Variants in PTAR1 observed in about 807,000 individuals in gnomAD.
The protein encoded by PTAR1 is protein prenyltransferase alpha subunit repeat containing 1.
A neutral mutation model predicts 45.5 loss-of-function variants in PTAR1; 17 were observed. The ratio of observed to expected loss-of-function variants is 0.37; its 90% CI spans 0.26 to 0.56. The LOEUF (loss-of-function observed/expected upper bound fraction) is 0.56, where lower values mean the gene tolerates loss of function less well. Ranked by LOEUF, PTAR1 falls within the 20% of genes least tolerant of loss-of-function variation. The pLI is 0.77. For synonymous variants in PTAR1, 169 were observed against 171.3 expected (o/e 0.99, Z 0.11); for missense variants, 391 against 476.3 (o/e 0.82, Z 1.67).
At chr9:69,722,372 ATG>A (rs1460284079) in intron 6 of PTAR1, among the ~76,000 whole-genome samples, 10 of 152,192 alleles carry the variant, frequency 6.6e-5, no homozygotes, top group Admixed American at 3.3e-4. Context: ...GGGGTCACAT[ATG>A]TGACTTCAGT....
At chr9:69,742,456 T>G (rs2134140168) in intron 2 of PTAR1, among the ~76,000 whole-genome samples, 1 of 152,226 alleles carries the variant, frequency 6.6e-6, no homozygotes, top group South Asian at 2.1e-4. Flanking sequence ...TAACAATCCC[T>G]TAGTCCTATA....
intron 3 of PTAR1, among the ~76,000 whole-genome samples, chr9:69,735,815 G>A (rs887334131): frequency 2.0e-5 from 3 of 151,716 alleles, no homozygotes; most frequent in Non-Finnish European, 2.9e-5. Flanking sequence ...CTACTTAGAC[G>A]GACTTAATTC....
chr9:69,756,870 A>G (rs1291032470), intron 1 of PTAR1, among the ~76,000 whole-genome samples: 2 of 152,218 alleles, frequency 1.3e-5, no homozygotes, highest in Admixed American at 1.3e-4. Flanking sequence ...TATGCATCAC[A>G]GTAGTCACTA....
chr9:69,759,773 G>T, intron 1 of PTAR1, 80 bp downstream of exon 1: 1 of 1,381,088 alleles, frequency 7.2e-7, no homozygotes, highest in Non-Finnish European at 9.6e-7. Context: ...TCCGCCCGCC[G>T]CCCGAGGTCG....
intron 3 of PTAR1, among the ~76,000 whole-genome samples, chr9:69,739,709 G>C (rs938155821): frequency 1.3e-5 from 2 of 152,120 alleles, no homozygotes; most frequent in African/African-American, 4.8e-5. Flanking sequence ...TTACTTTGAA[G>C]TTGGTAGTTT....
At chr9:69,749,777 GC>G (rs1289805012) in intron 2 of PTAR1, among the ~76,000 whole-genome samples, 1 of 151,924 alleles carries the variant, frequency 6.6e-6, no homozygotes, top group Non-Finnish European at 1.5e-5. Flanking sequence ...TACATCTCTC[GC>G]CCCCAAAGAG....
chr9:69,739,396 A>G (rs868714644), intron 3 of PTAR1, among the ~76,000 whole-genome samples: 36 of 144,808 alleles, frequency 2.5e-4, no homozygotes, highest in African/African-American at 6.6e-4. Flanking sequence ...TTTCCAAAGC[A>G]AAAAAAAAAA....
In PTAR1 at chr9:69,750,681, A is replaced by G. The variant is rs188861108; in HGVS notation, c.256+100T>C. 9.5e-5 allele frequency: 81 copies of G among 854,364 alleles called. No homozygotes were observed. In the African/African-American group the frequency reaches 1.3e-3, roughly 13 times the overall value. The allele number at this position is 854,364 out of a possible 1,614,324, so 52.9% of individuals were successfully genotyped here. A position where few individuals can be genotyped will look rare whatever the true frequency, so the allele number is the denominator to read the frequency against. On this transcript the variant is annotated intron_variant, in intron 2 of 7. Coordinates refer to ENST00000340434, the MANE Select transcript of PTAR1 (RefSeq NM_001099666.2). The stretch of plus-strand genomic sequence containing the variant: ...CCGAGACAGTGAACAGAAGAAGCAG[A>G]ACTAGAATCCAGGAATGCTGACACT...
chr9:69,719,617 C>T (rs1253043172), intron 6 of PTAR1, among the ~76,000 whole-genome samples: 4 of 152,086 alleles, frequency 2.6e-5, no homozygotes, highest in Admixed American at 2.0e-4. Context: ...AGTAGAAAAC[C>T]GGCCTATGTA....
chr9:69,759,554 G>T (rs1437332570), intron 1 of PTAR1, among the ~76,000 whole-genome samples: 1 of 152,188 alleles, frequency 6.6e-6, no homozygotes, highest in Admixed American at 6.5e-5. Flanking sequence ...CGACCTACGG[G>T]GGACGTCTCT....
rs2134056335 is a variant in PTAR1 at position 69,711,562 on chromosome 9, G to T, written c.*6780C>A. The T allele has an allele frequency of 6.6e-6, 1 of 152,190 alleles. No homozygotes were observed. The highest frequency in any genetic ancestry group is 3.4e-3 in the Middle Eastern group (1 of 294). 9.4% of individuals were successfully genotyped at this position (152,190 alleles called of 1,614,324 possible). On this transcript the variant is annotated 3_prime_UTR_variant, in exon 8 of 8. Coordinates refer to ENST00000340434, the MANE Select transcript of PTAR1 (RefSeq NM_001099666.2). ...CTCTTAAGACGCTAGAAACAAGTAA[G>T]ATTTAAGGAAAAATAAAAAGAACCT... is the stretch of plus-strand genomic sequence containing the variant.
intron 1 of PTAR1, among the ~76,000 whole-genome samples, chr9:69,756,443 C>T (rs769850448): frequency 1.3e-5 from 2 of 152,120 alleles, no homozygotes; most frequent in African/African-American, 2.4e-5. Context: ...GTTCATTAAA[C>T]CACCCAGTTT....
intron 1 of PTAR1, among the ~76,000 whole-genome samples, chr9:69,753,698 T>C (rs141424296): frequency 6.0e-4 from 91 of 152,176 alleles, no homozygotes; most frequent in African/African-American, 2.2e-3. Flanking sequence ...ATAAAAACAG[T>C]CTTAACAGAT....
At position 69,711,064 on chromosome 9, in the gene PTAR1, GC is replaced by G; in HGVS notation, c.*7277del. 6.6e-6 allele frequency: 1 copy of G among 151,824 alleles called. No individual in the cohort carries two copies. The highest frequency in any genetic ancestry group is 1.5e-5 in the Non-Finnish European group (1 of 67,956). 9.4% of individuals were successfully genotyped at this position (151,824 alleles called of 1,614,324 possible). A position where few individuals can be genotyped will look rare whatever the true frequency, so the allele number is the denominator to read the frequency against. ...TTAGACGCTATTAAAATCATAACTG[GC>G]CTTTTTTTTTCTCCCTCTCCTTTTT... On this transcript the variant is annotated 3_prime_UTR_variant, in exon 8 of 8. Transcript: ENST00000340434.
Position 69,710,989 on chromosome 9 carries a change from G to A in PTAR1, c.*7353C>T, listed in dbSNP as rs1824501614. The A allele has an allele frequency of 6.6e-6, 1 of 151,910 alleles. No individual in the cohort carries two copies. Among genetic ancestry groups the A allele is most frequent in the South Asian group, 2.1e-4 (1 of 4,820 alleles). 9.4% of individuals were successfully genotyped at this position (151,910 alleles called of 1,614,324 possible). A position where few individuals can be genotyped will look rare whatever the true frequency, so the allele number is the denominator to read the frequency against. ...TTCTTTTAAATGAAAGCTCCTCCAT[G>A]TTAAATTATGCAATTGACTAGTGTC... On this transcript the variant is annotated 3_prime_UTR_variant, in exon 8 of 8. Coordinates refer to ENST00000340434, the MANE Select transcript of PTAR1 (RefSeq NM_001099666.2).
At chr9:69,724,136 G>A (rs914130062) in intron 5 of PTAR1, among the ~76,000 whole-genome samples, 1 of 152,108 alleles carries the variant, frequency 6.6e-6, no homozygotes, top group Non-Finnish European at 1.5e-5. Context: ...GGCAGAGACC[G>A]TGTCTGTCTT....
At chr9:69,755,458 G>C (rs1826732925) in intron 1 of PTAR1, among the ~76,000 whole-genome samples, 1 of 152,096 alleles carries the variant, frequency 6.6e-6, no homozygotes, top group African/African-American at 2.4e-5. Context: ...AACCAGAACA[G>C]AGCCACTTAT....
chr9:69,721,188 A>G (rs897164001), intron 6 of PTAR1, among the ~76,000 whole-genome samples: 7 of 152,204 alleles, frequency 4.6e-5, no homozygotes, highest in African/African-American at 1.7e-4. Context: ...AAGTCAAAAT[A>G]TCAACATGAA....
At chr9:69,719,415 TC>T (rs1824884186) in intron 6 of PTAR1, among the ~76,000 whole-genome samples, 1 of 152,216 alleles carries the variant, frequency 6.6e-6, no homozygotes, top group Admixed American at 6.5e-5. Flanking sequence ...TGGGGGCACA[TC>T]CATGTACAAT....
Sources: allele counts gnomAD v4.1 joint callset (sites outside exome capture counted in the v4.1 genomes callset), GRCh38; gene constraint gnomAD v4.1.1; transcripts MANE v1.5; gene names NCBI Gene and HGNC (gene_info 2026-07-23, HGNC 2026-07-21).